Variants in HSCB observed in about 807,000 individuals in gnomAD.
HSCB encodes the protein HscB mitochondrial iron-sulfur cluster cochaperone, also known as iron-sulfur cluster co-chaperone protein HscB.
HSCB carries 23 observed loss-of-function variants against 31.3 expected under a neutral mutation model. The ratio of observed to expected loss-of-function variants is 0.74; its 90% CI spans 0.53 to 1.04. The LOEUF (loss-of-function observed/expected upper bound fraction) is 1.04, where lower values mean the gene tolerates loss of function less well. Ranked by LOEUF, HSCB falls within the 50% of genes least tolerant of loss-of-function variation. The pLI, the probability that HSCB is intolerant of heterozygous loss-of-function variation, is 0.00. For synonymous variants in HSCB, 110 were observed against 104.5 expected, an observed-to-expected ratio of 1.05 and a Z score of -0.32; for missense variants, 297 against 288.1, an observed-to-expected ratio of 1.03 and a Z score of -0.22.
intron 3 of HSCB, 41 bp downstream of exon 3, chr22:28,744,745 T>C (rs773257161): frequency 4.1e-6 from 6 of 1,460,562 alleles, no homozygotes; most frequent in East Asian, 2.3e-5. Context: ...GACGTCCTGA[T>C]GCCCATTATG....
intron 5 of HSCB, among the ~76,000 whole-genome samples, chr22:28,754,660 ACT>A (rs1257932952): frequency 6.6e-6 from 1 of 151,226 alleles, no homozygotes; most frequent in Non-Finnish European, 1.5e-5. Flanking sequence ...ACAAAGCAAG[ACT>A]CTATCTCAAA....
intron 4 of HSCB, among the ~76,000 whole-genome samples, chr22:28,750,605 G>A (rs1000702260): frequency 6.6e-6 from 1 of 152,070 alleles, no homozygotes; most frequent in South Asian, 2.1e-4. Flanking sequence ...CTGCCTTACG[G>A]ATATAATGTA....
At position 28,743,953 on chromosome 22, in the gene HSCB, C is replaced by A; in HGVS notation, c.308C>A (p.Pro103Gln). 1 of 1,614,098 alleles carries A rather than the reference C, an allele frequency of 6.2e-7. No individual in the cohort carries two copies. The highest frequency in any genetic ancestry group is 8.5e-7 in the Non-Finnish European group (1 of 1,179,942). Residue 103 changes from proline to glutamine, a missense_variant, in exon 2 of 6, where the codon CCA (proline) becomes CAA (glutamine). Physicochemically the swap from Pro to Gln is moderately conservative, Grantham distance 76 (BLOSUM62 -1). Coordinates refer to ENST00000216027, the MANE Select transcript of HSCB (RefSeq NM_172002.5). ...CAGCAACTGCAGCGTCTTGTCCACCCAGATTTCTTCAGCCAGAGGTCTCAG... is the reference window on the plus strand; with the variant it reads ...CAGCAACTGCAGCGTCTTGTCCACCAAGATTTCTTCAGCCAGAGGTCTCAG... Reference protein sequence around the residue: ...RYQQLQRLVHPDFFSQRSQTE... With the variant: ...RYQQLQRLVHQDFFSQRSQTE...
At chr22:28,748,999 G>T (rs980682181) in intron 4 of HSCB, among the ~76,000 whole-genome samples, 3 of 152,100 alleles carry the variant, frequency 2.0e-5, no homozygotes, top group African/African-American at 7.2e-5. Flanking sequence ...AAATTAACCA[G>T]ATGTGGTGGC....
At position 28,746,050 on chromosome 22, in the gene HSCB, T is replaced by G. The variant is rs377455210; in HGVS notation, c.568+42T>G. On this transcript the variant is annotated intron_variant, in intron 4 of 5. Coordinates refer to ENST00000216027, the MANE Select transcript of HSCB (RefSeq NM_172002.5). Reference sequence around the variant, plus strand: ...CACTGAATGTATTTCATTGCTGTTATGAACACTTGTCCAAGGATTAGTGAA... The same window carrying G: ...CACTGAATGTATTTCATTGCTGTTAGGAACACTTGTCCAAGGATTAGTGAA... 28 of 1,573,454 alleles carry G rather than the reference T, an allele frequency of 1.8e-5. No individual in the cohort carries two copies. The African/African-American group carries it at 3.7e-4, about 21-fold the overall frequency.
At position 28,746,728 on chromosome 22, in the gene HSCB, C is replaced by T. The variant is rs527816286; in HGVS notation, c.568+720C>T. ...CAGCCAGGCCAACATGGAGAAACCC[C>T]GTCTCTGCCTAAAATACAAAATTAG... On this transcript the variant is annotated intron_variant, in intron 4 of 5. Transcript: ENST00000216027. Among the ~76,000 whole-genome samples the T allele has an allele frequency of 1.8e-4, 27 of 152,050 alleles. No homozygotes were observed. The South Asian group carries it at 5.2e-3, about 29-fold the overall frequency.
chr22:28,751,310 C>A, intron 5 of HSCB, 22 bp downstream of exon 5: 5 of 1,495,078 alleles, frequency 3.3e-6, no homozygotes, highest in South Asian at 2.4e-5. Flanking sequence ...TCTTCACTTT[C>A]TTAAATATGG....
chr22:28,754,133 AAAAC>A (rs947733855), intron 5 of HSCB, among the ~76,000 whole-genome samples: 4 of 111,938 alleles, frequency 3.6e-5, no homozygotes, highest in Admixed American at 8.7e-5. Flanking sequence ...CTCCATCTCA[AAAAC>A]AAACAAACAA....
intron 4 of HSCB, among the ~76,000 whole-genome samples, chr22:28,746,873 T>C (rs2054701216): frequency 6.8e-6 from 1 of 147,376 alleles, no homozygotes; most frequent in Admixed American, 6.9e-5. Context: ...CATTATAGCC[T>C]GGACGACAGA....
In HSCB at chr22:28,757,132, T is replaced by C. The variant is rs2030661364; in HGVS notation, c.671T>C (p.Ile224Thr). Residue 224 changes from isoleucine to threonine, a missense_variant, in exon 6 of 6, where the codon ATA (isoleucine) becomes ACA (threonine). By Grantham distance (89) the Ile-to-Thr change is moderately conservative. Transcript: ENST00000216027. ...ILTKMRYFSN[I>T]EEKIKLKKIP... ...ACAAAGATGAGATACTTTTCAAATATAGAAGAAAAGATCAAGTTAAAGAAG... is the reference window on the plus strand; with the variant it reads ...ACAAAGATGAGATACTTTTCAAATACAGAAGAAAAGATCAAGTTAAAGAAG... 5 of 1,570,124 alleles carry C rather than the reference T, an allele frequency of 3.2e-6. No individual in the cohort carries two copies. Among genetic ancestry groups the C allele is most frequent in the Non-Finnish European group, 4.4e-6 (5 of 1,140,538 alleles).
intron 4 of HSCB, among the ~76,000 whole-genome samples, chr22:28,748,266 C>G (rs1334789302): frequency 1.3e-5 from 2 of 152,168 alleles, no homozygotes; most frequent in African/African-American, 4.8e-5. Flanking sequence ...CTGAGGAGGC[C>G]TTAACAACCT....
At chr22:28,750,694 T>G (rs942165097) in intron 4 of HSCB, among the ~76,000 whole-genome samples, 4 of 152,176 alleles carry the variant, frequency 2.6e-5, no homozygotes, top group African/African-American at 7.2e-5. Flanking sequence ...ACTGGAAAAT[T>G]CCTCATTTTC....
intron 5 of HSCB, among the ~76,000 whole-genome samples, chr22:28,755,085 C>T (rs1353379338): frequency 6.7e-6 from 1 of 148,320 alleles, no homozygotes; most frequent in South Asian, 2.2e-4. Flanking sequence ...TGAGCCACCG[C>T]GCCTGGCCCT....
chr22:28,751,190 A>T, intron 4 of HSCB, 51 bp from the exon 5 acceptor site: 1 of 1,104,536 alleles, frequency 9.1e-7, no homozygotes, highest in Non-Finnish European at 1.4e-6. Flanking sequence ...TTGTCTTCAT[A>T]TTATGAGTCT....
At chr22:28,747,876 T>TC (rs144567592) in intron 4 of HSCB, among the ~76,000 whole-genome samples, 1,883 of 149,610 alleles carry the variant, frequency 0.013, 46 homozygotes, top group African/African-American at 0.043. Flanking sequence ...TCCCCACCTT[T>TC]CCCCCCCAAA....
Position 28,757,397 on chromosome 22 carries a change from A to G in HSCB, c.*228A>G. The G allele has an allele frequency of 2.6e-6, 1 of 382,516 alleles. No individual in the cohort carries two copies. The highest frequency in any genetic ancestry group is 4.9e-6 in the Non-Finnish European group (1 of 203,412). 23.7% of individuals were successfully genotyped at this position (382,516 alleles called of 1,614,324 possible). On this transcript the variant is annotated 3_prime_UTR_variant, in exon 6 of 6. Transcript: ENST00000216027. ...CTACTTGGTAGGCCGAGGCAGGAGA[A>G]TCGCTTAAACCCGTGAGGTGGAGGT...
At chr22:28,748,401 C>T (rs1416640157) in intron 4 of HSCB, among the ~76,000 whole-genome samples, 1 of 152,182 alleles carries the variant, frequency 6.6e-6, no homozygotes, top group African/African-American at 2.4e-5. Context: ...CATTCACTCT[C>T]ACCTGGACAA....
chr22:28,742,468 G>C, intron 1 of HSCB, 137 bp downstream of exon 1: 4 of 1,389,988 alleles, frequency 2.9e-6, no homozygotes, highest in Non-Finnish European at 3.8e-6. Flanking sequence ...GAGCAGGCGT[G>C]AGAGAAGTGT....
Position 28,744,640 on chromosome 22 carries a change from A to C in HSCB, c.359A>C (p.His120Pro). The C allele has an allele frequency of 1.2e-6, 2 of 1,613,872 alleles. No individual in the cohort carries two copies. The highest frequency in any genetic ancestry group is 1.1e-5 in the South Asian group (1 of 91,080). Residue 120 changes from histidine (H) to proline (P), a missense_variant, in exon 3 of 6, where the codon CAT becomes CCT. Physicochemically the swap from His to Pro is moderately conservative, Grantham distance 77 (BLOSUM62 -2). Transcript: ENST00000216027. ...SQTEKDFSEKHSTLVNDAYKT... is the reference protein window; with the variant it reads ...SQTEKDFSEKPSTLVNDAYKT... ...ACTGAAAAGGACTTCTCAGAGAAGC[A>C]TTCGACCCTGGTGAATGATGCCTAT... is the stretch of plus-strand genomic sequence containing the variant.
Sources: gnomAD v4.1 joint callset for allele counts (sites outside exome capture counted in the v4.1 genomes callset) on GRCh38, gnomAD v4.1.1 for gene constraint, MANE v1.5 for transcripts, NCBI Gene and HGNC (gene_info 2026-07-23, HGNC 2026-07-21) for gene names.